Variants in AREL1 observed in about 807,000 individuals in gnomAD.
AREL1 encodes the protein apoptosis-resistant E3 ubiquitin protein ligase 1.
Under a neutral mutation model 99.0 loss-of-function variants are expected in AREL1, and 62 were observed. The ratio of observed to expected loss-of-function variants is 0.63; its 90% CI spans 0.51 to 0.77. The LOEUF (loss-of-function observed/expected upper bound fraction) is 0.77, where lower values mean the gene tolerates loss of function less well. Ranked by LOEUF, AREL1 falls within the 30% of genes least tolerant of loss-of-function variation. AREL1 has a pLI of 0.00. For synonymous variants in AREL1, 380 were observed against 376.5 expected, an observed-to-expected ratio of 1.01 and a Z score of -0.11; for missense variants, 879 against 1,027.6, an observed-to-expected ratio of 0.86 and a Z score of 1.98.
intron 2 of AREL1, among the ~76,000 whole-genome samples, 174 bp from the exon 3 acceptor site, chr14:74,685,834 CAA>C (rs1215015708): frequency 6.6e-6 from 1 of 152,214 alleles, no homozygotes; most frequent in African/African-American, 2.4e-5. Context: ...TTCAGAGAAA[CAA>C]AGAGACTGCA....
At chr14:74,685,242 C>G (rs890989390) in intron 3 of AREL1, among the ~76,000 whole-genome samples, 1 of 152,136 alleles carries the variant, frequency 6.6e-6, no homozygotes, top group African/African-American at 2.4e-5. Context: ...CTTCTCCAAT[C>G]CCCACCAGAG....
intron 4 of AREL1, 113 bp downstream of exon 4, chr14:74,684,340 TG>T: frequency 2.2e-6 from 2 of 899,458 alleles, no homozygotes; most frequent in Non-Finnish European, 3.4e-6. Flanking sequence ...CACTAGTTCC[TG>T]GAGGGAGTTG....
At chr14:74,671,584 T>C (rs2089346745) in intron 11 of AREL1, 101 bp from the exon 12 acceptor site, 1 of 665,582 alleles carries the variant, frequency 1.5e-6, no homozygotes, top group Non-Finnish European at 2.5e-6. Flanking sequence ...CTGGACTAAC[T>C]ACGACTGCCT....
chr14:74,688,019 C>CTTTTTT (rs764034669), intron 2 of AREL1, among the ~76,000 whole-genome samples: 3 of 108,718 alleles, frequency 2.8e-5, no homozygotes, highest in Non-Finnish European at 3.8e-5. Flanking sequence ...TGAGTACTTA[C>CTTTTTT]TTTTTTTTTT....
At chr14:74,708,525 C>T (rs940756964) in intron 1 of AREL1, among the ~76,000 whole-genome samples, 6 of 152,030 alleles carry the variant, frequency 3.9e-5, no homozygotes, top group African/African-American at 1.2e-4. Context: ...CTTCCCAAAG[C>T]GGACAAGAGA....
At position 74,675,750 on chromosome 14, in the gene AREL1, G is replaced by T. The variant is rs2089455368; in HGVS notation, c.1029C>A (p.Thr343=). 6.2e-7 allele frequency: 1 copy of T among 1,614,016 alleles called. No homozygotes were observed. The highest frequency in any genetic ancestry group is 8.5e-7 in the Non-Finnish European group (1 of 1,180,040). The change falls in exon 8 of 20, where the codon ACC becomes ACA. Residue 343 remains threonine, a synonymous_variant. Transcript: ENST00000356357. ...TCTTCGGTTTCTTCACCTTCTCAGGGGTGTGGCACTCAGAGGGCGAGTCTT... is the reference window on the plus strand; with the variant it reads ...TCTTCGGTTTCTTCACCTTCTCAGGTGTGTGGCACTCAGAGGGCGAGTCTT... ...EDEDSPSECH[T]PEKVKKPKKV... is the part of the protein sequence containing the mutation.
chr14:74,684,454 A>G lies in AREL1; in HGVS notation c.243T>C (p.His81=), dbSNP rs762471013. ...TATGGAGACAGAAACATTCCCTTAC[A>G]TGCACTCGGAAGGCCATGCTGTGGC... The part of the protein sequence containing the change: ...EVGHSMAFRV[H]LFYKNGQPFP... The change falls in exon 4 of 20, where the codon CAT becomes CAC. Residue 81 remains histidine, a splice_region_variant and synonymous_variant. Transcript: ENST00000356357. 2 of 1,613,852 alleles carry G rather than the reference A, an allele frequency of 1.2e-6. No homozygotes were observed. Among genetic ancestry groups the G allele is most frequent in the Admixed American group, 1.7e-5 (1 of 59,992 alleles).
At chr14:74,689,230 C>T (rs766250737) in intron 2 of AREL1, among the ~76,000 whole-genome samples, 13 of 152,026 alleles carry the variant, frequency 8.6e-5, no homozygotes, top group Non-Finnish European at 1.2e-4. Flanking sequence ...AAGCATGTTC[C>T]GACCCTGTTG....
intron 15 of AREL1, among the ~76,000 whole-genome samples, chr14:74,667,889 G>T (rs751504568): frequency 1.3e-5 from 2 of 152,188 alleles, no homozygotes; most frequent in Admixed American, 1.3e-4. Flanking sequence ...ATGGCTCCTC[G>T]CTAGCAATGT....
chr14:74,672,658 C>T (rs1326009072), intron 11 of AREL1, among the ~76,000 whole-genome samples, 173 bp downstream of exon 11: 5 of 152,028 alleles, frequency 3.3e-5, no homozygotes, highest in East Asian at 3.9e-4. Context: ...GATCACAGCC[C>T]GGGAAGATCG....
rs370317425 is a variant in AREL1, at chr14:74,666,181, G to A, written c.2103+1138C>T. On this transcript the variant is annotated intron_variant, in intron 17 of 19. Transcript: ENST00000356357. ...GTTAATAGAAATAAGAATTGGGCAA[G>A]ACCACCTAAAATTACTTTTTCCCCC... Among the ~76,000 whole-genome samples the A allele has an allele frequency of 3.3e-5, 5 of 152,206 alleles. 1 individual carries two copies. Among genetic ancestry groups the A allele is most frequent in the African/African-American group, 1.2e-4 (5 of 41,498 alleles).
intron 5 of AREL1, 22 bp downstream of exon 5, chr14:74,683,274 A>G (rs764547162): frequency 3.2e-6 from 5 of 1,558,022 alleles, no homozygotes; most frequent in Non-Finnish European, 4.4e-6. Context: ...CAAAGGGAAA[A>G]AGAAAGGAAA....
chr14:74,702,111 T>C (rs541252818), intron 1 of AREL1, among the ~76,000 whole-genome samples: 22 of 152,286 alleles, frequency 1.4e-4, no homozygotes, highest in Admixed American at 2.6e-4. Flanking sequence ...TGGTACAAAC[T>C]GTCAGTGAAT....
At chr14:74,689,597 T>C (rs1458070145) in intron 2 of AREL1, among the ~76,000 whole-genome samples, 15 of 144,146 alleles carry the variant, frequency 1.0e-4, no homozygotes, top group Middle Eastern at 3.5e-3. Flanking sequence ...CTTTTCTTTT[T>C]TTTTTTTTTT....
rs772678977 is a variant in AREL1 at position 74,664,930 on chromosome 14, A to G, written c.2104-5T>C. 6 of 1,610,766 alleles carry G rather than the reference A, an allele frequency of 3.7e-6. No individual in the cohort carries two copies. Among genetic ancestry groups the G allele is most frequent in the South Asian group, 2.2e-5 (2 of 90,978 alleles). Reference sequence around the variant, plus strand: ...TCCAGTCCCACACATCAGCAGCTGGAAAAAGATGGTAAGGTGTTACTATGA... The same window carrying G: ...TCCAGTCCCACACATCAGCAGCTGGGAAAAGATGGTAAGGTGTTACTATGA... On this transcript the variant is annotated splice_polypyrimidine_tract_variant and splice_region_variant and intron_variant, in intron 17 of 19. Coordinates refer to ENST00000356357, the MANE Select transcript of AREL1 (RefSeq NM_001039479.2).
intron 3 of AREL1, among the ~76,000 whole-genome samples, chr14:74,684,964 C>T (rs1389926389): frequency 6.6e-6 from 1 of 152,210 alleles, no homozygotes; most frequent in Admixed American, 6.5e-5. Context: ...TTGTCTATGG[C>T]TACTTTTGCA....
chr14:74,704,505 A>G (rs1485801199), intron 1 of AREL1, among the ~76,000 whole-genome samples: 4 of 152,174 alleles, frequency 2.6e-5, no homozygotes, highest in African/African-American at 9.6e-5. Flanking sequence ...CCTTCCAAAG[A>G]AGGCAATCAG....
intron 2 of AREL1, 78 bp from the exon 3 acceptor site, chr14:74,685,738 T>G: frequency 7.5e-7 from 1 of 1,324,656 alleles, no homozygotes; most frequent in Non-Finnish European, 1.1e-6. Context: ...AAGAAGAGTG[T>G]ATGGCGTGAG....
intron 6 of AREL1, 58 bp downstream of exon 6, chr14:74,676,525 T>C (rs1167006166): frequency 3.2e-6 from 5 of 1,557,704 alleles, no homozygotes; most frequent in South Asian, 1.2e-5. Flanking sequence ...GGTGTGAGAA[T>C]AACAGAGAAA....
Sources: gnomAD v4.1 joint callset for allele counts (sites outside exome capture counted in the v4.1 genomes callset) on GRCh38, gnomAD v4.1.1 for gene constraint, MANE v1.5 for transcripts, NCBI Gene and HGNC (gene_info 2026-07-23, HGNC 2026-07-21) for gene names.